The following ELAVL2 variants were observed in gnomAD, a reference collection of about 807,000 sequenced individuals.
ELAVL2 encodes ELAV like RNA binding protein 2.
In ELAVL2, 4 loss-of-function variants were observed where a neutral mutation model predicts 34.6. The observed-to-expected ratio is 0.12, with a 90% CI of 0.06 to 0.26. ELAVL2 has a LOEUF of 0.26. ELAVL2 is among the 10% of genes least tolerant of loss of function. The pLI is 1.00. For synonymous variants in ELAVL2, 193 were observed against 154.8 expected (o/e 1.25, Z -1.83); for missense variants, 432 against 442.8 (o/e 0.98, Z 0.22).
intron 3 of ELAVL2, among the ~76,000 whole-genome samples, chr9:23,709,488 G>A (rs1292447567): frequency 6.6e-6 from 1 of 151,582 alleles, no homozygotes; most frequent in African/African-American, 2.4e-5. Context: ...TCTTACAGGT[G>A]CCTTCATATG....
At chr9:23,721,898 G>A (rs541703428) in intron 3 of ELAVL2, among the ~76,000 whole-genome samples, 1 of 152,156 alleles carries the variant, frequency 6.6e-6, no homozygotes, top group Non-Finnish European at 1.5e-5. Context: ...TATGTTATCA[G>A]TAAGGCTTCT....
rs2033329015 is a variant in ELAVL2, at chr9:23,692,044, ACT to A, written c.*511_*512del. The A allele has an allele frequency of 1.3e-5, 2 of 153,428 alleles. No homozygotes were observed. The highest frequency in any genetic ancestry group is 4.1e-4 in the South Asian group (2 of 4,884). The allele number at this position is 153,428 out of a possible 1,614,324, so 9.5% of individuals were successfully genotyped here. On this transcript the variant is annotated 3_prime_UTR_variant, in exon 7 of 7. Coordinates refer to ENST00000397312, the MANE Select transcript of ELAVL2 (RefSeq NM_004432.5). ...CCCAAATCATAATTACAAAATAAAT[ACT>A]GTTTTAAACTTCATAAATAAAAATG...
In ELAVL2 at chr9:23,704,957, G is replaced by C. The variant is rs568766646; in HGVS notation, c.448C>G (p.Arg150Gly). ...ELEQLFSQYGRIITSRILVDQ... is the reference protein window; with the variant it reads ...ELEQLFSQYGGIITSRILVDQ... Reference sequence around the variant, plus strand: ...ACAAGAATACGAGAAGTAATAATGCGTCCATATTGTGAAAAAAGCTGTTCC... The same window carrying C: ...ACAAGAATACGAGAAGTAATAATGCCTCCATATTGTGAAAAAAGCTGTTCC... The change falls in exon 4 of 7, where the codon CGC becomes GGC. Residue 150 changes from arginine (R) to glycine (G), a missense_variant. Around this residue, in one of 3 missense-constraint regions of ELAVL2, gnomAD observed 295 missense variants for 306.1 expected, o/e 0.96. Transcript: ENST00000397312. 6.2e-7 allele frequency: 1 copy of C among 1,614,044 alleles called. No homozygotes were observed. The highest frequency in any genetic ancestry group is 1.7e-5 in the Admixed American group (1 of 60,012).
intron 1 of ELAVL2, among the ~76,000 whole-genome samples, chr9:23,820,030 C>G (rs552804738): frequency 3.3e-5 from 5 of 152,024 alleles, no homozygotes; most frequent in Non-Finnish European, 5.9e-5. Flanking sequence ...TTATATATAC[C>G]CAAAGGTTAC....
chr9:23,743,944 C>T (rs1376550512), intron 2 of ELAVL2, among the ~76,000 whole-genome samples: 2 of 152,168 alleles, frequency 1.3e-5, no homozygotes, highest in Non-Finnish European at 2.9e-5. Context: ...GAAGTAACTT[C>T]TATACACAGA....
intron 1 of ELAVL2, among the ~76,000 whole-genome samples, chr9:23,793,932 C>T (rs1483962084): frequency 6.6e-6 from 1 of 152,198 alleles, no homozygotes; most frequent in Non-Finnish European, 1.5e-5. Context: ...CCTCCAAGAG[C>T]TCTTTCCTGG....
chr9:23,774,231 A>G (rs1199620864), intron 1 of ELAVL2, among the ~76,000 whole-genome samples: 5 of 146,848 alleles, frequency 3.4e-5, no homozygotes, highest in Non-Finnish European at 4.4e-5. Flanking sequence ...AAAAAAAAAA[A>G]AAAAAAAGAA....
chr9:23,751,629 A>G (rs1265397429), intron 2 of ELAVL2, among the ~76,000 whole-genome samples: 3 of 152,158 alleles, frequency 2.0e-5, no homozygotes, highest in African/African-American at 7.2e-5. Context: ...TTTATATTAA[A>G]CGGATACTCA....
intron 1 of ELAVL2, among the ~76,000 whole-genome samples, chr9:23,808,299 T>C (rs899493090): frequency 6.6e-6 from 1 of 152,154 alleles, no homozygotes; most frequent in African/African-American, 2.4e-5. Flanking sequence ...AACTTTAACA[T>C]AATATCTCCT....
At chr9:23,822,905 G>C (rs571868720) in intron 1 of ELAVL2, among the ~76,000 whole-genome samples, 40 of 152,316 alleles carry the variant, frequency 2.6e-4, no homozygotes, top group Non-Finnish European at 4.9e-4. Flanking sequence ...AGCGCTCCCC[G>C]CCCCCATGCG....
At chr9:23,798,987 T>C (rs966147466) in intron 1 of ELAVL2, among the ~76,000 whole-genome samples, 1 of 152,192 alleles carries the variant, frequency 6.6e-6, no homozygotes, top group African/African-American at 2.4e-5. Context: ...TCTTCCTTGA[T>C]ATGTGTACAA....
rs1397562123 is a variant in ELAVL2 at position 23,690,515 on chromosome 9, C to G, written c.*2042G>C. ...ATGCACCTAAGGATATGAGAAAGTG[C>G]TAAGCCAATTGATTTCTGAATAGCA... is the stretch of plus-strand genomic sequence containing the variant. On this transcript the variant is annotated 3_prime_UTR_variant, in exon 7 of 7. Transcript: ENST00000397312. The G allele has an allele frequency of 6.6e-6, 1 of 152,356 alleles. No individual in the cohort carries two copies. The highest frequency in any genetic ancestry group is 1.5e-5 in the Non-Finnish European group (1 of 67,950). The allele number at this position is 152,356 out of a possible 1,614,324, so 9.4% of individuals were successfully genotyped here.
intron 2 of ELAVL2, among the ~76,000 whole-genome samples, chr9:23,751,715 A>T (rs1167848062): frequency 1.3e-5 from 2 of 152,226 alleles, no homozygotes; most frequent in Non-Finnish European, 2.9e-5. Context: ...TTCATGGCTC[A>T]ATTTAACAAC....
intron 2 of ELAVL2, among the ~76,000 whole-genome samples, chr9:23,760,073 A>T (rs557031118): frequency 6.6e-6 from 1 of 151,924 alleles, no homozygotes; most frequent in African/African-American, 2.4e-5. Flanking sequence ...ACCACACTAA[A>T]GTTAGAGAGG....
the ELAVL2 span, among the ~76,000 whole-genome samples, chr9:23,836,182 C>A: frequency 6.7e-3 from 1,021 of 152,202 alleles, 6 homozygotes; most frequent in Middle Eastern, 0.02. Context: ...ATATTTTATA[C>A]CTTTGGTCAT....
At chr9:23,730,999 A>G (rs1341888737) in intron 3 of ELAVL2, 23 bp downstream of exon 3, 1 of 1,585,888 alleles carries the variant, frequency 6.3e-7, no homozygotes, top group South Asian at 1.1e-5. Context: ...CCGCAAGTAG[A>G]TATAAAAAAA....
chr9:23,830,899 A>C (rs1205983429), upstream of ELAVL2, among the ~76,000 whole-genome samples: 2 of 152,058 alleles, frequency 1.3e-5, no homozygotes, highest in Non-Finnish European at 2.9e-5. Flanking sequence ...GCGAGGGTGA[A>C]GGAAAAAAAA....
intron 2 of ELAVL2, among the ~76,000 whole-genome samples, chr9:23,755,561 G>A (rs2135757622): frequency 6.6e-6 from 1 of 152,196 alleles, no homozygotes; most frequent in Non-Finnish European, 1.5e-5. Context: ...ATTACCTTTT[G>A]CCTATGAGAG....
At chr9:23,741,821 G>C (rs913348442) in intron 2 of ELAVL2, among the ~76,000 whole-genome samples, 2 of 152,116 alleles carry the variant, frequency 1.3e-5, no homozygotes, top group Admixed American at 6.6e-5. Context: ...AATTGAAGAT[G>C]GTACTTTAGA....
Sources: allele counts gnomAD v4.1 joint callset (sites outside exome capture counted in the v4.1 genomes callset), GRCh38; gene constraint gnomAD v4.1.1; regional missense constraint gnomAD v4.1.1; transcripts MANE v1.5; gene names NCBI Gene and HGNC (gene_info 2026-07-23, HGNC 2026-07-21).